KIAA0232: variants seen among roughly 807,000 people sequenced by gnomAD.
The protein encoded by KIAA0232 is uncharacterized protein KIAA0232.
KIAA0232 carries 27 observed loss-of-function variants against 122.0 expected under a neutral mutation model. The ratio of observed to expected loss-of-function variants is 0.22; its 90% CI spans 0.16 to 0.31. The LOEUF (loss-of-function observed/expected upper bound fraction) is 0.31. Ranked by LOEUF, KIAA0232 falls within the 10% of genes least tolerant of loss-of-function variation. The pLI is 1.00. For synonymous variants in KIAA0232, 613 were observed against 587.6 expected (o/e 1.04, Z -0.63); for missense variants, 1,551 against 1,634.2 (o/e 0.95, Z 0.88).
chr4:6,874,433 G>T (rs111996880), intron 8 of KIAA0232, among the ~76,000 whole-genome samples: 4 of 152,280 alleles, frequency 2.6e-5, no homozygotes, highest in African/African-American at 7.2e-5. Context: ...TGGGGATGAG[G>T]CCAGCCAGGC....
At chr4:6,868,098 C>T (rs999505765) in intron 7 of KIAA0232, among the ~76,000 whole-genome samples, 1 of 152,242 alleles carries the variant, frequency 6.6e-6, no homozygotes, top group Non-Finnish European at 1.5e-5. Flanking sequence ...TAAAACCAAG[C>T]ACCTTTCTCT....
intron 4 of KIAA0232, among the ~76,000 whole-genome samples, chr4:6,849,736 C>T (rs1419457046): frequency 2.0e-5 from 3 of 151,266 alleles, no homozygotes; most frequent in Non-Finnish European, 4.4e-5. Context: ...CACTGCACTC[C>T]AGCCCAGGTG....
intron 3 of KIAA0232, among the ~76,000 whole-genome samples, chr4:6,833,862 T>C (rs544296369): frequency 3.3e-5 from 5 of 152,302 alleles, no homozygotes; most frequent in African/African-American, 1.2e-4. Flanking sequence ...CAAAAGTTCC[T>C]TTAATACCAC....
chr4:6,864,250 C>T, intron 7 of KIAA0232, 67 bp downstream of exon 7: 1 of 1,466,638 alleles, frequency 6.8e-7, no homozygotes, highest in Non-Finnish European at 9.1e-7. Flanking sequence ...AACAGACATG[C>T]CAGTCAATGA....
At chr4:6,866,519 G>T (rs1005979208) in intron 7 of KIAA0232, among the ~76,000 whole-genome samples, 1 of 152,192 alleles carries the variant, frequency 6.6e-6, no homozygotes, top group South Asian at 2.1e-4. Flanking sequence ...GTATCTTTCT[G>T]TTCTGTCACA....
In KIAA0232 at chr4:6,825,560, C is replaced by T. The variant is rs377518990; in HGVS notation, c.231+876C>T. Reference sequence around the variant, plus strand: ...ACAGAGCAAGACCCTGTCTCTCTCTCGCACGCATACACGAGAGAGAGAGAG... The same window carrying T: ...ACAGAGCAAGACCCTGTCTCTCTCTTGCACGCATACACGAGAGAGAGAGAG... On this transcript the variant is annotated intron_variant, in intron 3 of 9. Transcript: ENST00000307659. Among the ~76,000 whole-genome samples, 8 of 151,500 alleles carry T rather than the reference C, an allele frequency of 5.3e-5. No individual in the cohort carries two copies. The South Asian group carries it at 1.5e-3, about 28-fold the overall frequency.
intron 3 of KIAA0232, among the ~76,000 whole-genome samples, chr4:6,841,562 TA>T (rs1216514583): frequency 5.9e-5 from 9 of 152,142 alleles, no homozygotes; most frequent in African/African-American, 1.7e-4. Flanking sequence ...ACTTTTTTTA[TA>T]AATCAGCATT....
chr4:6,868,445 A>T lies in KIAA0232; in HGVS notation c.3802-3129A>T, dbSNP rs539707314. Among the ~76,000 whole-genome samples, 3 of 152,304 alleles carry T rather than the reference A, an allele frequency of 2.0e-5. No homozygotes were observed. The South Asian group carries it at 6.2e-4, about 32-fold the overall frequency. On this transcript the variant is annotated intron_variant, in intron 7 of 9. Coordinates refer to ENST00000307659, the MANE Select transcript of KIAA0232 (RefSeq NM_014743.3). ...AATATAAATGCTGTTGGAAAGGAGG[A>T]TCGCTGGACGAGGGGCATTGGGTTT...
chr4:6,848,143 A>C (rs921061260), intron 4 of KIAA0232, among the ~76,000 whole-genome samples: 1 of 152,230 alleles, frequency 6.6e-6, no homozygotes, highest in Admixed American at 6.5e-5. Flanking sequence ...TAAGTAGAGT[A>C]GAGTCTTAAC....
intron 2 of KIAA0232, among the ~76,000 whole-genome samples, chr4:6,809,789 C>T (rs183357159): frequency 8.3e-4 from 126 of 151,966 alleles, no homozygotes; most frequent in African/African-American, 3.0e-3. Context: ...TTACCAATAA[C>T]GATCTAGCTG....
rs1013044446 is a variant in KIAA0232, at chr4:6,801,075, A to T, written c.-353-3448A>T. ...TTCAGCAGCTGGGTATTGAACCAGG[A>T]TGTGGAATTGTCAGCATTTCCCCAA... is the stretch of plus-strand genomic sequence containing the variant. On this transcript the variant is annotated intron_variant, in intron 1 of 9. Transcript: ENST00000307659. 7.2e-5 allele frequency among the ~76,000 whole-genome samples: 11 copies of T among 152,330 alleles called. No individual in the cohort carries two copies. In the South Asian group the frequency reaches 1.0e-3, roughly 14 times the overall value.
intron 2 of KIAA0232, among the ~76,000 whole-genome samples, chr4:6,814,486 G>A (rs1020876832): frequency 2.0e-5 from 3 of 151,778 alleles, no homozygotes; most frequent in Admixed American, 6.6e-5. Flanking sequence ...AACAGAACTT[G>A]TAATACTAAG....
chr4:6,799,659 G>A (rs997746225), intron 1 of KIAA0232, among the ~76,000 whole-genome samples: 1 of 151,922 alleles, frequency 6.6e-6, no homozygotes, highest in East Asian at 1.9e-4. Flanking sequence ...TTTACACATT[G>A]GGTTTTTGCT....
chr4:6,862,745 T>C lies in KIAA0232; in HGVS notation c.2363T>C (p.Leu788Pro), dbSNP rs776572671. 6.2e-7 allele frequency: 1 copy of C among 1,612,748 alleles called. No homozygotes were observed. The stretch of plus-strand genomic sequence containing the variant: ...TTAGTTTTCAAAAAAACATCTAAAC[T>C]AGAATCCGTCTGTGGTATTCAGCTA... ...PTLVFKKTSKLESVCGIQLEQ... is the reference protein window; with the variant it reads ...PTLVFKKTSKPESVCGIQLEQ... The change falls in exon 7 of 10, where the codon CTA becomes CCA. Residue 788 changes from leucine (L) to proline (P), a missense_variant. Leu to Pro is a moderately conservative substitution (Grantham distance 98). Coordinates refer to ENST00000307659, the MANE Select transcript of KIAA0232 (RefSeq NM_014743.3).
chr4:6,842,247 A>C (rs192540343), intron 4 of KIAA0232, 43 bp downstream of exon 4: 11 of 1,543,782 alleles, frequency 7.1e-6, no homozygotes, highest in Non-Finnish European at 9.5e-6. Context: ...GAATAAAAGA[A>C]GGGGTGATTT....
chr4:6,803,084 G>C (rs1717460675), intron 1 of KIAA0232, among the ~76,000 whole-genome samples: 1 of 150,988 alleles, frequency 6.6e-6, no homozygotes, highest in Non-Finnish European at 1.5e-5. Flanking sequence ...TGGAAGGTGA[G>C]GTGGGAGGAT....
At chr4:6,865,598 G>C (rs963159313) in intron 7 of KIAA0232, among the ~76,000 whole-genome samples, 2 of 152,208 alleles carry the variant, frequency 1.3e-5, no homozygotes, top group Non-Finnish European at 2.9e-5. Flanking sequence ...ACCGCGTCCG[G>C]CCCAGCTTAT....
intron 1 of KIAA0232, among the ~76,000 whole-genome samples, chr4:6,796,770 C>G (rs1036385419): frequency 6.6e-6 from 1 of 152,190 alleles, no homozygotes; most frequent in Non-Finnish European, 1.5e-5. Flanking sequence ...TCTTACCTTC[C>G]TTTTGCTCTT....
At chr4:6,787,229 C>T (rs1716666816) in intron 1 of KIAA0232, among the ~76,000 whole-genome samples, 1 of 150,372 alleles carries the variant, frequency 6.7e-6, no homozygotes, top group African/African-American at 2.4e-5. Flanking sequence ...TAATTTAATT[C>T]CCAAGAGATT....
Sources: allele counts gnomAD v4.1 joint callset (sites outside exome capture counted in the v4.1 genomes callset), GRCh38; gene constraint gnomAD v4.1.1; transcripts MANE v1.5; gene names NCBI Gene and HGNC (gene_info 2026-07-23, HGNC 2026-07-21).